CPNE5: variants seen among roughly 807,000 people sequenced by gnomAD.
The protein encoded by CPNE5 is copine 5, also known as copine-5.
Under a neutral mutation model 81.1 loss-of-function variants are expected in CPNE5, and 42 were observed. The observed-to-expected ratio is 0.52, with a 90% CI of 0.40 to 0.67. The LOEUF (loss-of-function observed/expected upper bound fraction) is 0.67, where lower values mean the gene tolerates loss of function less well. Among genes scored for constraint, CPNE5 ranks in the 30% least tolerant of loss-of-function variants. The probability of loss-of-function intolerance (pLI) is 0.00; values close to 1 mark genes in which losing one functional copy is unlikely to be tolerated. For missense variants in CPNE5, 612 were observed against 815.5 expected, an observed-to-expected ratio of 0.75 and a Z score of 3.04; for synonymous variants, 313 against 321.5, an observed-to-expected ratio of 0.97 and a Z score of 0.28.
intron 8 of CPNE5, among the ~76,000 whole-genome samples, chr6:36,790,587 T>C (rs1768995076): frequency 6.6e-6 from 1 of 152,224 alleles, no homozygotes; most frequent in South Asian, 2.1e-4. Flanking sequence ...TTTTTCAAAA[T>C]ATGTCTTATT....
intron 8 of CPNE5, among the ~76,000 whole-genome samples, chr6:36,781,213 C>T (rs1344536517): frequency 1.3e-5 from 2 of 152,066 alleles, no homozygotes; most frequent in Non-Finnish European, 2.9e-5. Context: ...TCATCATCGC[C>T]CACCAGACAG....
At chr6:36,789,057 G>A (rs982990047) in intron 8 of CPNE5, among the ~76,000 whole-genome samples, 1 of 152,196 alleles carries the variant, frequency 6.6e-6, no homozygotes, top group African/African-American at 2.4e-5. Context: ...GAAAGACGAA[G>A]CAAAGCTGTT....
At position 36,741,602 on chromosome 6, in the gene CPNE5, G is replaced by A. The variant is rs1288709999; in HGVS notation, c.*666C>T. 6.6e-6 allele frequency: 1 copy of A among 152,238 alleles called. No individual in the cohort carries two copies. Among genetic ancestry groups the A allele is most frequent in the African/African-American group, 2.4e-5 (1 of 41,446 alleles). 9.4% of individuals were successfully genotyped at this position (152,238 alleles called of 1,614,324 possible). A position where few individuals can be genotyped will look rare whatever the true frequency, so the allele number is the denominator to read the frequency against. ...GGAGAGGCCTCCACAGGCCATCTGT[G>A]TGTCTAGAACTTGCATCGTACTGAG... On this transcript the variant is annotated 3_prime_UTR_variant, in exon 21 of 21. Transcript: ENST00000244751.
At chr6:36,768,053 C>T (rs541030661) in intron 10 of CPNE5, among the ~76,000 whole-genome samples, 69 of 152,068 alleles carry the variant, frequency 4.5e-4, no homozygotes, top group African/African-American at 1.7e-3. Flanking sequence ...TGTGCAAACT[C>T]GGCCTGGCCT....
intron 1 of CPNE5, among the ~76,000 whole-genome samples, chr6:36,828,308 C>CAAAAAAA (rs11444450): frequency 8.9e-5 from 7 of 78,596 alleles, no homozygotes; most frequent in Non-Finnish European, 1.2e-4. Flanking sequence ...AACAACAAAC[C>CAAAAAAA]AAAAAAAAAA....
At chr6:36,771,047 T>C (rs575648412) in intron 10 of CPNE5, among the ~76,000 whole-genome samples, 3 of 152,106 alleles carry the variant, frequency 2.0e-5, no homozygotes, top group Admixed American at 1.3e-4. Context: ...CCAAGGCCTT[T>C]TGGGTCTTCC....
At chr6:36,794,712 A>G in intron 6 of CPNE5, 63 bp from the exon 7 acceptor site, 1 of 1,470,226 alleles carries the variant, frequency 6.8e-7, no homozygotes, top group Non-Finnish European at 9.5e-7. Flanking sequence ...CAGACAGGCC[A>G]GCGCACTTGG....
intron 11 of CPNE5, among the ~76,000 whole-genome samples, chr6:36,764,442 C>T (rs1044357710): frequency 6.6e-6 from 1 of 152,120 alleles, no homozygotes; most frequent in African/African-American, 2.4e-5. Flanking sequence ...TAAGATAAAA[C>T]AAACCCCCTG....
chr6:36,748,021 C>G (rs1262684421), intron 15 of CPNE5, among the ~76,000 whole-genome samples, 200 bp downstream of exon 15: 3 of 152,194 alleles, frequency 2.0e-5, no homozygotes, highest in Non-Finnish European at 4.4e-5. Flanking sequence ...GGCTCAGAGC[C>G]CAGATTTATG....
chr6:36,799,445 C>T (rs912924914), intron 4 of CPNE5, among the ~76,000 whole-genome samples: 6 of 152,208 alleles, frequency 3.9e-5, no homozygotes, highest in African/African-American at 1.2e-4. Context: ...AACTCCCCAG[C>T]CTGTTTACCA....
chr6:36,803,457 A>G (rs1237668827), intron 3 of CPNE5, among the ~76,000 whole-genome samples: 1 of 152,194 alleles, frequency 6.6e-6, no homozygotes, highest in Non-Finnish European at 1.5e-5. Flanking sequence ...CAGGAGGAGA[A>G]TCCAAGTTCT....
intron 10 of CPNE5, among the ~76,000 whole-genome samples, chr6:36,769,211 G>A (rs773390977): frequency 2.0e-5 from 3 of 152,204 alleles, no homozygotes; most frequent in South Asian, 2.1e-4. Context: ...TCCTAGCAAC[G>A]TGATGAAATG....
At position 36,768,225 on chromosome 6, in the gene CPNE5, C is replaced by CTTTTTTTTTTTTTTT. The variant is rs10586762; in HGVS notation, c.738-2864_738-2850dup. On this transcript the variant is annotated intron_variant, in intron 10 of 20. Transcript: ENST00000244751. Reference sequence around the variant, plus strand: ...GGCTTTGACTACTCTATTCACAGTTCTTTTTTTTTTTTTTTTTTTTTTTTT... The same window carrying CTTTTTTTTTTTTTTT: ...GGCTTTGACTACTCTATTCACAGTTCTTTTTTTTTTTTTTTTTTTTTTTTTTTTTTTTTTTTTTTT... Among the ~76,000 whole-genome samples, 174 of 60,506 alleles carry CTTTTTTTTTTTTTTT rather than the reference C, an allele frequency of 2.9e-3. 18 individuals are homozygous for CTTTTTTTTTTTTTTT. Among genetic ancestry groups the CTTTTTTTTTTTTTTT allele is most frequent in the East Asian group, 4.1e-3 (7 of 1,720 alleles). 39.7% of individuals were successfully genotyped at this position (60,506 alleles called of 152,430 possible).
intron 14 of CPNE5, among the ~76,000 whole-genome samples, chr6:36,748,963 G>A (rs1393821842): frequency 2.6e-5 from 4 of 152,122 alleles, no homozygotes; most frequent in African/African-American, 9.7e-5. Context: ...TGGAAAAGAG[G>A]TCTCGCTCTG....
intron 6 of CPNE5, among the ~76,000 whole-genome samples, chr6:36,795,492 T>C (rs1769484105): frequency 6.6e-6 from 1 of 152,142 alleles, no homozygotes; most frequent in Non-Finnish European, 1.5e-5. Flanking sequence ...AGATAGGGTC[T>C]TTAAGGAGGT....
rs768408020 is a variant in CPNE5, at chr6:36,798,491, G to A, written c.291C>T (p.Tyr97=). 44 of 1,613,816 alleles carry A rather than the reference G, an allele frequency of 2.7e-5. No homozygotes were observed. Among genetic ancestry groups the A allele is most frequent in the East Asian group, 4.5e-5 (2 of 44,894 alleles). ...EEKQNLRFDL[Y]DVDSKSPDLS... Reference sequence around the variant, plus strand: ...AATCAGGACTCTTAGAGTCAACGTCGTATCTGCAGGGAACACAGAGAAACG... The same window carrying A: ...AATCAGGACTCTTAGAGTCAACGTCATATCTGCAGGGAACACAGAGAAACG... Residue 97 remains tyrosine, a synonymous_variant, in exon 5 of 21, where the codon TAC becomes TAT. Coordinates refer to ENST00000244751, the MANE Select transcript of CPNE5 (RefSeq NM_020939.2).
chr6:36,771,336 T>A (rs1767019502), intron 10 of CPNE5, among the ~76,000 whole-genome samples: 1 of 152,260 alleles, frequency 6.6e-6, no homozygotes, highest in South Asian at 2.1e-4. Flanking sequence ...GGGGTCCACA[T>A]CCTGGTTCTA....
At position 36,798,225 on chromosome 6, in the gene CPNE5, G is replaced by A. The variant is rs1423679529; in HGVS notation, c.344C>T (p.Ala115Val). The A allele has an allele frequency of 8.1e-6, 13 of 1,613,646 alleles. No individual in the cohort carries two copies. Among genetic ancestry groups the A allele is most frequent in the South Asian group, 1.1e-5 (1 of 90,964 alleles). The change falls in exon 6 of 21, where the codon GCC becomes GTC. Residue 115 changes from alanine to valine, a missense_variant. Ala to Val is a moderately conservative substitution (Grantham distance 64, BLOSUM62 0). Coordinates refer to ENST00000244751, the MANE Select transcript of CPNE5 (RefSeq NM_020939.2). Reference protein sequence around the residue: ...DLSKHDFLGQAFCTLGEIVGS... With the variant: ...DLSKHDFLGQVFCTLGEIVGS... ...CACAATCTCTCCAAGGGTGCAGAAG[G>A]CCTGGCCCAGGAAATCCTGCATATC...
At chr6:36,810,804 C>T (rs1489237616) in intron 3 of CPNE5, among the ~76,000 whole-genome samples, 2 of 152,170 alleles carry the variant, frequency 1.3e-5, no homozygotes, top group African/African-American at 2.4e-5. Context: ...CCTTTCGTTT[C>T]GTAGGCCTGG....
Sources: gnomAD v4.1 joint callset for allele counts (sites outside exome capture counted in the v4.1 genomes callset) on GRCh38, gnomAD v4.1.1 for gene constraint, MANE v1.5 for transcripts, NCBI Gene and HGNC (gene_info 2026-07-23, HGNC 2026-07-21) for gene names.